DHRSX: variants seen among roughly 807,000 people sequenced by gnomAD.
The protein encoded by DHRSX is dehydrogenase/reductase X-linked, also known as polyprenol dehydrogenase.
In DHRSX, 31 loss-of-function variants were observed where a neutral mutation model predicts 34.0. That is an observed-to-expected ratio of 0.91 (90% CI 0.69 to 1.23). The LOEUF (loss-of-function observed/expected upper bound fraction) is 1.23. Ranked by LOEUF, DHRSX falls within the 50% of genes most tolerant of loss-of-function variation. The probability of loss-of-function intolerance (pLI) is 0.00; values close to 1 mark genes in which losing one functional copy is unlikely to be tolerated. For synonymous variants in DHRSX, 201 were observed against 183.8 expected (o/e 1.09, Z -0.76); for missense variants, 414 against 428.1 (o/e 0.97, Z 0.29).
chrX:2,449,388 G>A (rs978590738), intron 1 of DHRSX, among the ~76,000 whole-genome samples: 5 of 152,122 alleles, frequency 3.3e-5, no homozygotes, highest in South Asian at 2.1e-4. Context: ...GTACATGCAA[G>A]GTGCACTGAG....
At chrX:2,275,840 A>C (rs1453314511) in intron 4 of DHRSX, among the ~76,000 whole-genome samples, 2 of 148,594 alleles carry the variant, frequency 1.3e-5, no homozygotes, top group Non-Finnish European at 3.0e-5. Context: ...TTTTTTTAAA[A>C]ATTTTAATTT....
chrX:2,410,179 T>C (rs1352352626), intron 2 of DHRSX, among the ~76,000 whole-genome samples: 2 of 152,130 alleles, frequency 1.3e-5, no homozygotes, highest in Admixed American at 6.6e-5. Context: ...GGAAAGGAGT[T>C]TGGCAAATTT....
chrX:2,430,374 GAAGT>G (rs1434257354), intron 1 of DHRSX, among the ~76,000 whole-genome samples: 13 of 152,020 alleles, frequency 8.6e-5, no homozygotes, highest in African/African-American at 3.1e-4. Flanking sequence ...TTGGGGCTGA[GAAGT>G]ATGTATGTAC....
chrX:2,303,789 ATGGGTGGGTGGG>A lies in DHRSX; in HGVS notation c.287-12198_287-12187del, dbSNP rs371825446. ...GATGGATAAATGGATGGATGGATGGATGGGTGGGTGGGTGGGTGGATGGGTGGGTGGATGGGT... is the reference window on the plus strand; with the variant it reads ...GATGGATAAATGGATGGATGGATGGATGGGTGGATGGGTGGGTGGATGGGT... On this transcript the variant is annotated intron_variant, in intron 3 of 6. Transcript: ENST00000334651. Among the ~76,000 whole-genome samples, 63 of 73,076 alleles carry A rather than the reference ATGGGTGGGTGGG, an allele frequency of 8.6e-4. 1 individual carries two copies. Among genetic ancestry groups the A allele is most frequent in the South Asian group, 3.6e-3 (7 of 1,920 alleles). The allele number at this position is 73,076 out of a possible 152,430, so 47.9% of individuals were successfully genotyped here. A position where few individuals can be genotyped will look rare whatever the true frequency, so the allele number is the denominator to read the frequency against.
intron 3 of DHRSX, among the ~76,000 whole-genome samples, chrX:2,344,605 A>C (rs1202826658): frequency 6.6e-6 from 1 of 152,056 alleles, no homozygotes; most frequent in Non-Finnish European, 1.5e-5. Flanking sequence ...TCAGCAAACT[A>C]ACACAAGAAC....
Position 2,266,769 on chromosome X carries a change from A to C in DHRSX, c.567T>G (p.Ala189=). The C allele has an allele frequency of 1.2e-6, 2 of 1,613,872 alleles. No individual in the cohort carries two copies. Among genetic ancestry groups the C allele is most frequent in the Non-Finnish European group, 1.7e-6 (2 of 1,179,770 alleles). The change falls in exon 5 of 7, where the codon GCT becomes GCG. Residue 189 remains alanine, a synonymous_variant. Transcript: ENST00000334651. ...TCTGAAGGTCATCCATGTTCAGCTC[A>C]GCGACGTAATGGGTGGCAGAGGAGA... is the stretch of plus-strand genomic sequence containing the variant. ...VTVSSATHYV[A]ELNMDDLQSS...
chrX:2,226,650 A>T (rs762627220), intron 6 of DHRSX, among the ~76,000 whole-genome samples: 1 of 151,250 alleles, frequency 6.6e-6, no homozygotes, highest in East Asian at 2.0e-4. Context: ...AAACACAAAA[A>T]ATTAGCCGGG....
intron 5 of DHRSX, among the ~76,000 whole-genome samples, chrX:2,252,838 G>A (rs1435740071): frequency 2.6e-5 from 4 of 152,168 alleles, no homozygotes; most frequent in African/African-American, 9.7e-5. Context: ...AAATACGTAG[G>A]AGGAAATGCC....
At chrX:2,356,529 A>G (rs752634386) in intron 3 of DHRSX, among the ~76,000 whole-genome samples, 106 of 152,350 alleles carry the variant, frequency 7.0e-4, no homozygotes, top group African/African-American at 2.5e-3. Flanking sequence ...GGCAACATCC[A>G]ATGTTGGTAT....
chrX:2,233,805 G>A (rs1396918698), intron 6 of DHRSX, among the ~76,000 whole-genome samples: 1 of 152,072 alleles, frequency 6.6e-6, no homozygotes, highest in African/African-American at 2.4e-5. Flanking sequence ...ATAGAAGATA[G>A]AGTTTCAAGT....
chrX:2,384,493 G>T (rs1311824214), intron 3 of DHRSX, among the ~76,000 whole-genome samples: 1 of 152,116 alleles, frequency 6.6e-6, no homozygotes, highest in African/African-American at 2.4e-5. Flanking sequence ...CCACACAGGA[G>T]GGTAGGTCTT....
intron 3 of DHRSX, among the ~76,000 whole-genome samples, chrX:2,323,688 G>C (rs755138832): frequency 6.6e-6 from 1 of 152,102 alleles, no homozygotes; most frequent in Non-Finnish European, 1.5e-5. Context: ...AAGATCACTC[G>C]AGCCCGGGAG....
At position 2,235,366 on chromosome X, in the gene DHRSX, C is replaced by T. The variant is rs1027135011; in HGVS notation, c.804+7657G>A. Among the ~76,000 whole-genome samples, 25 of 152,074 alleles carry T rather than the reference C, an allele frequency of 1.6e-4. 1 individual carries two copies. The highest frequency in any genetic ancestry group is 4.3e-4 in the African/African-American group (18 of 41,416). On this transcript the variant is annotated intron_variant, in intron 6 of 6. Coordinates refer to ENST00000334651, the MANE Select transcript of DHRSX (RefSeq NM_145177.3). ...CTGGGGTGAGGGGTTCACTAGAAGC[C>T]GGGACTTCACCGCTGTGCAATGTCT... is the stretch of plus-strand genomic sequence containing the variant.
At chrX:2,461,216 C>A (rs1270266079) in intron 1 of DHRSX, among the ~76,000 whole-genome samples, 1 of 152,200 alleles carries the variant, frequency 6.6e-6, no homozygotes, top group Non-Finnish European at 1.5e-5. Flanking sequence ...AGAGTTCCTG[C>A]CTTTCCAGTT....
chrX:2,290,181 T>A (rs951052432), intron 4 of DHRSX, among the ~76,000 whole-genome samples: 5 of 152,332 alleles, frequency 3.3e-5, no homozygotes, highest in African/African-American at 1.2e-4. Context: ...TCTAGCATAA[T>A]AATTTCCAAT....
intron 5 of DHRSX, among the ~76,000 whole-genome samples, chrX:2,244,102 TA>T (rs1242284637): frequency 2.0e-5 from 3 of 152,034 alleles, no homozygotes; most frequent in Admixed American, 2.0e-4. Context: ...TCTCAAATCA[TA>T]AAAGACAACC....
At chrX:2,275,266 G>T (rs112162874) in intron 4 of DHRSX, among the ~76,000 whole-genome samples, 19,801 of 151,408 alleles carry the variant, frequency 0.13, 1,815 homozygotes, top group Non-Finnish European at 0.19. Context: ...GGGAGGCCGA[G>T]GCAGGCGGAT....
intron 3 of DHRSX, among the ~76,000 whole-genome samples, chrX:2,363,848 G>C (rs749797729): frequency 6.6e-6 from 1 of 152,100 alleles, no homozygotes; most frequent in African/African-American, 2.4e-5. Flanking sequence ...AGCATCGAAG[G>C]AGATGAGGGA....
intron 3 of DHRSX, among the ~76,000 whole-genome samples, chrX:2,302,502 C>T (rs191098063): frequency 1.3e-5 from 2 of 152,228 alleles, no homozygotes; most frequent in Admixed American, 1.3e-4. Flanking sequence ...ATCCCAGCTA[C>T]TTGGATGGCT....
Sources: allele counts gnomAD v4.1 joint callset (sites outside exome capture counted in the v4.1 genomes callset), GRCh38; gene constraint gnomAD v4.1.1; transcripts MANE v1.5; gene names NCBI Gene and HGNC (gene_info 2026-07-23, HGNC 2026-07-21).